The following ANKRD44 variants were observed in gnomAD, a reference collection of about 807,000 sequenced individuals.
ANKRD44 encodes serine/threonine-protein phosphatase 6 regulatory ankyrin repeat subunit B.
ANKRD44 carries 35 observed loss-of-function variants against 116.0 expected under a neutral mutation model. The observed-to-expected ratio is 0.30, with a 90% confidence interval of 0.23 to 0.40. The LOEUF is 0.40. ANKRD44 is among the 10% of genes least tolerant of loss of function. ANKRD44 has a pLI of 1.00. For missense variants in ANKRD44, 1,014 were observed against 1,242.6 expected, an observed-to-expected ratio of 0.82 and a Z score of 2.77; for synonymous variants, 435 against 461.8, an observed-to-expected ratio of 0.94 and a Z score of 0.74.
At chr2:197,004,937 C>T (rs1005083097) in intron 21 of ANKRD44, among the ~76,000 whole-genome samples, 1 of 151,974 alleles carries the variant, frequency 6.6e-6, no homozygotes, top group Non-Finnish European at 1.5e-5. Flanking sequence ...TAAGATCAAT[C>T]CATATTGATA....
At chr2:197,038,369 A>T (rs2076845962) in intron 16 of ANKRD44, among the ~76,000 whole-genome samples, 2 of 151,892 alleles carry the variant, frequency 1.3e-5, no homozygotes, top group Admixed American at 1.3e-4. Flanking sequence ...CCAACCAACC[A>T]ATCAATCAGC....
chr2:197,283,052 G>A (rs1896854), intron 1 of ANKRD44, among the ~76,000 whole-genome samples: 46 of 152,098 alleles, frequency 3.0e-4, no homozygotes, highest in African/African-American at 1.1e-3. Flanking sequence ...TTTAAGAGAA[G>A]AGAACATCAT....
chr2:197,006,788 A>C (rs1450165899), intron 20 of ANKRD44, among the ~76,000 whole-genome samples: 3 of 152,074 alleles, frequency 2.0e-5, no homozygotes, highest in Non-Finnish European at 2.9e-5. Context: ...GCTTGTGTTT[A>C]CTTAGTTTAT....
intron 14 of ANKRD44, among the ~76,000 whole-genome samples, chr2:197,082,841 T>G (rs531309370): frequency 6.6e-6 from 1 of 152,336 alleles, no homozygotes; most frequent in African/African-American, 2.4e-5. Context: ...CTGTTTTCTA[T>G]TCCTACGCAC....
At chr2:197,295,510 T>C (rs1340855728) in intron 1 of ANKRD44, among the ~76,000 whole-genome samples, 1 of 152,178 alleles carries the variant, frequency 6.6e-6, no homozygotes, top group East Asian at 1.9e-4. Context: ...ATAAAAACTA[T>C]CCTTGGCTCA....
intron 1 of ANKRD44, among the ~76,000 whole-genome samples, chr2:197,191,613 A>T (rs1054418381): frequency 6.6e-6 from 1 of 152,196 alleles, no homozygotes; most frequent in African/African-American, 2.4e-5. Context: ...TCAAACTTTG[A>T]AGTAGAGTCA....
intron 16 of ANKRD44, among the ~76,000 whole-genome samples, chr2:197,054,744 G>T (rs1453322436): frequency 6.6e-6 from 1 of 152,088 alleles, no homozygotes; most frequent in African/African-American, 2.4e-5. Context: ...GAGAATATTT[G>T]CAGGGTTCTT....
chr2:197,196,760 A>G (rs569720569), intron 1 of ANKRD44, among the ~76,000 whole-genome samples: 4 of 152,306 alleles, frequency 2.6e-5, no homozygotes, highest in South Asian at 4.1e-4. Context: ...AACACCAGCA[A>G]GCAATTTTTA....
chr2:196,967,369 A>G (rs2075680915), exon 22 of ANKRD44: 1 of 467,482 alleles, frequency 2.1e-6, no homozygotes, highest in South Asian at 1.6e-5. Context: ...GATAAAGTGC[A>G]TTCTGATTCA....
chr2:197,189,110 T>G (rs556142903), intron 1 of ANKRD44, among the ~76,000 whole-genome samples: 11 of 152,332 alleles, frequency 7.2e-5, no homozygotes, highest in Middle Eastern at 6.8e-3. Context: ...CAGGTTATGT[T>G]GCTGTTTATT....
intron 27 of ANKRD44, chr2:196,990,964 G>T: frequency 8.1e-7 from 1 of 1,231,738 alleles, no homozygotes; most frequent in South Asian, 4.1e-5. Context: ...GGTTAGTCCT[G>T]GGGAGCCTAG....
chr2:197,252,515 T>C (rs1290189344), intron 1 of ANKRD44, among the ~76,000 whole-genome samples: 1 of 152,040 alleles, frequency 6.6e-6, no homozygotes, highest in Non-Finnish European at 1.5e-5. Context: ...CACGCCACTC[T>C]CCTGCCTCAG....
At chr2:197,249,449 C>A (rs2082269933) in intron 1 of ANKRD44, among the ~76,000 whole-genome samples, 1 of 152,066 alleles carries the variant, frequency 6.6e-6, no homozygotes, top group Non-Finnish European at 1.5e-5. Context: ...TGGTGGCCAC[C>A]AACATACTTT....
At chr2:197,133,963 T>C (rs1223277276) in intron 4 of ANKRD44, 2 of 140,300 alleles carry the variant, frequency 1.4e-5, no homozygotes, top group Non-Finnish European at 3.1e-5. Flanking sequence ...TTTTTTTTTT[T>C]TTTTTTTGAG....
intron 16 of ANKRD44, among the ~76,000 whole-genome samples, chr2:197,060,528 C>T (rs2077288708): frequency 6.6e-6 from 1 of 152,164 alleles, no homozygotes; most frequent in Admixed American, 6.5e-5. Flanking sequence ...AGATAGTTAC[C>T]TTGTGTGTGT....
intron 2 of ANKRD44, among the ~76,000 whole-genome samples, chr2:197,179,116 T>C (rs1312317887): frequency 6.6e-6 from 1 of 152,218 alleles, no homozygotes; most frequent in Non-Finnish European, 1.5e-5. Flanking sequence ...TGTCCATATA[T>C]AGTTGCTTCT....
At chr2:196,967,916 T>TCTCC (rs2075685966) in intron 21 of ANKRD44, among the ~76,000 whole-genome samples, 1 of 145,450 alleles carries the variant, frequency 6.9e-6, no homozygotes, top group Non-Finnish European at 1.5e-5. Flanking sequence ...CTTGGCACTC[T>TCTCC]CTCTCTCTCT....
intron 1 of ANKRD44, among the ~76,000 whole-genome samples, chr2:197,204,510 G>T (rs1265756679): frequency 6.6e-6 from 1 of 152,156 alleles, no homozygotes; most frequent in Admixed American, 6.5e-5. Context: ...TCAGGTAGGG[G>T]GCTAGACAAG....
Position 196,987,247 on chromosome 2 carries a change from A to T in ANKRD44, c.*2344T>A. 1 of 985,204 alleles carries T rather than the reference A, an allele frequency of 1.0e-6. No individual in the cohort carries two copies. Among genetic ancestry groups the T allele is most frequent in the Non-Finnish European group, 1.2e-6 (1 of 829,692 alleles). 61.0% of individuals were successfully genotyped at this position (985,204 alleles called of 1,614,324 possible). On this transcript the variant is annotated 3_prime_UTR_variant, in exon 28 of 28. Transcript: ENST00000282272. ...TCAAACAATTCCTATAGAAAACTTA[A>T]GCATTTTCATATTCATTTCAATGCA...
Sources: allele counts gnomAD v4.1 joint callset (sites outside exome capture counted in the v4.1 genomes callset), GRCh38; gene constraint gnomAD v4.1.1; transcripts MANE v1.5; gene names NCBI Gene and HGNC (gene_info 2026-07-23, HGNC 2026-07-21).